Variants in GPRIN1 observed in about 807,000 individuals in gnomAD.
The protein encoded by GPRIN1 is G protein-regulated inducer of neurite outgrowth 1.
In GPRIN1, 4 loss-of-function variants were observed where a neutral mutation model predicts 2.8. The observed-to-expected ratio is 1.45, with a 90% CI of 0.71 to 3.32. The LOEUF (loss-of-function observed/expected upper bound fraction) is 3.32. Among genes scored for constraint, GPRIN1 ranks in the 30% most tolerant of loss-of-function variants. The pLI is 0.01. For synonymous variants in GPRIN1, 589 were observed against 589.9 expected, an observed-to-expected ratio of 1.00 and a Z score of 0.02; for missense variants, 1,322 against 1,343.4, an observed-to-expected ratio of 0.98 and a Z score of 0.25.
At position 176,598,394 on chromosome 5, in the gene GPRIN1, G is replaced by T; in HGVS notation, c.1441C>A (p.Pro481Thr). ...SRKTSSEKVN[P>T]ESSGKTNPVS... ...GGGTTTGTCTTTCCTGAAGACTCAGGATTCACTTTTTCAGATGATGTCTTT... is the reference window on the plus strand; with the variant it reads ...GGGTTTGTCTTTCCTGAAGACTCAGTATTCACTTTTTCAGATGATGTCTTT... Residue 481 changes from proline to threonine, a missense_variant, in exon 2 of 2, where the codon CCT (proline) becomes ACT (threonine). Transcript: ENST00000303991. 1 of 1,614,058 alleles carries T rather than the reference G, an allele frequency of 6.2e-7. No homozygotes were observed. The highest frequency in any genetic ancestry group is 1.1e-5 in the South Asian group (1 of 91,086).
At chr5:176,603,749 T>G (rs1486542327) in intron 1 of GPRIN1, among the ~76,000 whole-genome samples, 2 of 152,212 alleles carry the variant, frequency 1.3e-5, no homozygotes, top group Non-Finnish European at 2.9e-5. Context: ...GTGGGATCAC[T>G]GGATGGTCAC....
chr5:176,598,985 C>G lies in GPRIN1; in HGVS notation c.850G>C (p.Val284Leu), dbSNP rs139611546. ...APTSAEKVDL[V>L]LSGKRDPGPS... The stretch of plus-strand genomic sequence containing the variant: ...CCAGGATCTCTCTTTCCCGACAATA[C>G]AAGATCTACCTTTTCTGCAGATGTA... Residue 284 changes from valine (V) to leucine (L), a missense_variant, in exon 2 of 2, where the codon GTA becomes CTA. Val to Leu is a conservative substitution (Grantham distance 32, BLOSUM62 1). This residue lies in a region of GPRIN1 where 1,117 missense variants were observed against 1,128.6 expected (regional missense o/e 0.99). Transcript: ENST00000303991. The G allele has an allele frequency of 2.5e-6, 4 of 1,614,050 alleles. No individual in the cohort carries two copies. The highest frequency in any genetic ancestry group is 2.7e-5 in the African/African-American group (2 of 74,906).
At chr5:176,600,382 G>A (rs1006704911) in intron 1 of GPRIN1, among the ~76,000 whole-genome samples, 1 of 152,060 alleles carries the variant, frequency 6.6e-6, no homozygotes, top group Admixed American at 6.6e-5. Flanking sequence ...GATTACAGGC[G>A]TGAGCCACTG....
rs2113346915 is a variant in GPRIN1 at position 176,598,118 on chromosome 5, C to T, written c.1717G>A (p.Gly573Ser). 6.2e-7 allele frequency: 1 copy of T among 1,613,150 alleles called. No homozygotes were observed. Among genetic ancestry groups the T allele is most frequent in the Admixed American group, 1.7e-5 (1 of 60,014 alleles). Residue 573 changes from glycine (G) to serine (S), a missense_variant, in exon 2 of 2, where the codon GGT becomes AGT. By Grantham distance (56) the Gly-to-Ser change is moderately conservative (BLOSUM62 0). This residue lies in a region of GPRIN1 where 1,117 missense variants were observed against 1,128.6 expected (regional missense o/e 0.99). Transcript: ENST00000303991. ...TTTCCTGGAGTTGAGACCACTTTAC[C>T]TATAGACACAGAGTCCCCTTGTCCA... The part of the protein sequence containing the change: ...PSGQGDSVSI[G>S]KVVSTPGKTV...
In GPRIN1 at chr5:176,602,438, CCA is replaced by C. The variant is rs1373080646; in HGVS notation, c.-43-2563_-43-2562del. ...ACTTTGCTGTGCTATCTGATATATC[CCA>C]GAGTTGAGACCTGGCACACATGCAG... is the stretch of plus-strand genomic sequence containing the variant. On this transcript the variant is annotated intron_variant, in intron 1 of 1. Coordinates refer to ENST00000303991, the MANE Select transcript of GPRIN1 (RefSeq NM_052899.3). This position sits in a 1 kb window ranked among gnomAD's most constrained non-coding sequence, Gnocchi z 4.4. Among the ~76,000 whole-genome samples the C allele has an allele frequency of 1.3e-5, 2 of 152,012 alleles. No individual in the cohort carries two copies. Among genetic ancestry groups the C allele is most frequent in the African/African-American group, 4.8e-5 (2 of 41,364 alleles).
At position 176,597,570 on chromosome 5, in the gene GPRIN1, C is replaced by G. The variant is rs1759065316; in HGVS notation, c.2265G>C (p.Val755=). The G allele has an allele frequency of 6.3e-7, 1 of 1,586,832 alleles. No homozygotes were observed. Among genetic ancestry groups the G allele is most frequent in the Admixed American group, 1.7e-5 (1 of 57,754 alleles). Residue 755 remains valine (V), a synonymous_variant, in exon 2 of 2, where the codon GTG becomes GTC. Transcript: ENST00000303991. The surrounding 1 kb of genome is among the most constrained non-coding windows in gnomAD (Gnocchi z 6.1). ...EGRVEPKAEP[V]SSTEASSLGQ... ...CGAGACTGGAGGCCTCGGTGCTGGA[C>G]ACGGGCTCGGCCTTCGGCTCCACGC...
intron 1 of GPRIN1, among the ~76,000 whole-genome samples, chr5:176,603,442 C>T (rs535616520): frequency 9.8e-5 from 15 of 152,314 alleles, no homozygotes; most frequent in African/African-American, 3.1e-4. Flanking sequence ...TCTAACAAGG[C>T]TCATGTCACT....
Position 176,596,840 on chromosome 5 carries a change from A to G in GPRIN1, c.2995T>C (p.Cys999Arg). The G allele has an allele frequency of 7.1e-7, 1 of 1,404,462 alleles. No homozygotes were observed. The highest frequency in any genetic ancestry group is 9.3e-7 in the Non-Finnish European group (1 of 1,075,744). 87.0% of individuals were successfully genotyped at this position (1,404,462 alleles called of 1,614,324 possible). ...GCCGTGGGTCCCGCCCGCGAGCAGC[A>G]CCGCGGCCGGCGCACACTCTGCAGC... ...ALLQSVRRPR[C>R]CSRAGPTAE The change falls in exon 2 of 2, where the codon TGC becomes CGC. Residue 999 changes from cysteine to arginine, a missense_variant. Physicochemically the swap from Cys to Arg is radical, Grantham distance 180. Coordinates refer to ENST00000303991, the MANE Select transcript of GPRIN1 (RefSeq NM_052899.3). The surrounding 1 kb of genome is among the most constrained non-coding windows in gnomAD (Gnocchi z 5.2).
chr5:176,598,820 G>C lies in GPRIN1; in HGVS notation c.1015C>G (p.Pro339Ala). ...NGPVSSGTGA[P>A]GSLGRLDPTC... ...GGATCCAGCCTTCCCAAGGACCCAGGAGCCCCGGTCCCAGAGGATACAGGC... is the reference window on the plus strand; with the variant it reads ...GGATCCAGCCTTCCCAAGGACCCAGCAGCCCCGGTCCCAGAGGATACAGGC... The change falls in exon 2 of 2, where the codon CCT becomes GCT. Residue 339 changes from proline (P) to alanine (A), a missense_variant. Transcript: ENST00000303991. 1 of 1,613,858 alleles carries C rather than the reference G, an allele frequency of 6.2e-7. No individual in the cohort carries two copies. The highest frequency in any genetic ancestry group is 8.5e-7 in the Non-Finnish European group (1 of 1,180,028).
chr5:176,599,205 A>G lies in GPRIN1; in HGVS notation c.630T>C (p.Asp210=), dbSNP rs1249037946. 1 of 1,613,794 alleles carries G rather than the reference A, an allele frequency of 6.2e-7. No individual in the cohort carries two copies. Among genetic ancestry groups the G allele is most frequent in the African/African-American group, 1.3e-5 (1 of 74,996 alleles). The change falls in exon 2 of 2, where the codon GAT becomes GAC. Residue 210 remains aspartate (D), a synonymous_variant. Transcript: ENST00000303991. The part of the protein sequence containing the change: ...RMDPMTVRKE[D]LGSLGKVDPL... Reference sequence around the variant, plus strand: ...GATCTACTTTTCCCAGGGATCCAAGATCTTCCTTTCTTACAGTCATGGGAT... The same window carrying G: ...GATCTACTTTTCCCAGGGATCCAAGGTCTTCCTTTCTTACAGTCATGGGAT...
chr5:176,597,399 C>A lies in GPRIN1; in HGVS notation c.2436G>T (p.Ala812=). The change falls in exon 2 of 2, where the codon GCG becomes GCT. Residue 812 remains alanine, a synonymous_variant. Coordinates refer to ENST00000303991, the MANE Select transcript of GPRIN1 (RefSeq NM_052899.3). This position sits in a 1 kb window ranked among gnomAD's most constrained non-coding sequence, Gnocchi z 6.1. The part of the protein sequence containing the change: ...ASAPPPPRED[A]GTQAGAQACV... ...AGGCCTGCGCGCCCGCCTGAGTGCC[C>A]GCGTCCTCGCGCGGCGGCGGCGGGG... The A allele has an allele frequency of 7.7e-7, 1 of 1,290,830 alleles. No individual in the cohort carries two copies. The highest frequency in any genetic ancestry group is 2.5e-5 in the South Asian group (1 of 39,288). 80.0% of individuals were successfully genotyped at this position (1,290,830 alleles called of 1,614,324 possible).
At chr5:176,609,625 C>A (rs1208819992) in intron 1 of GPRIN1, among the ~76,000 whole-genome samples, 2 of 152,092 alleles carry the variant, frequency 1.3e-5, no homozygotes, top group South Asian at 2.1e-4. Flanking sequence ...ACGCCCTCCC[C>A]CCAGTGGCGG....
rs780526273 is a variant in GPRIN1 at position 176,596,095 on chromosome 5, ACT to A, written c.*711_*712del. 75 of 155,672 alleles carry A rather than the reference ACT, an allele frequency of 4.8e-4. No individual in the cohort carries two copies. The highest frequency in any genetic ancestry group is 9.2e-4 in the Non-Finnish European group (65 of 70,880). 9.6% of individuals were successfully genotyped at this position (155,672 alleles called of 1,614,324 possible). On this transcript the variant is annotated 3_prime_UTR_variant, in exon 2 of 2. Transcript: ENST00000303991. This position sits in a 1 kb window ranked among gnomAD's most constrained non-coding sequence, Gnocchi z 5.2. The stretch of plus-strand genomic sequence containing the variant: ...CCTGAGACCCTCTGGCCTTTCTGTG[ACT>A]CTCTCTCAGCTGAGCCCCCAGGGTA...
chr5:176,605,267 A>T (rs943122297), intron 1 of GPRIN1, among the ~76,000 whole-genome samples: 1 of 151,490 alleles, frequency 6.6e-6, no homozygotes, highest in Admixed American at 6.6e-5. Flanking sequence ...CTAATTTTTT[A>T]AATTTTTACT....
rs778923289 is a variant in GPRIN1 at position 176,598,925 on chromosome 5, T to G, written c.910A>C (p.Ser304Arg). ...SGKADPMPLE[S>R]MDSASTGKTE... is the part of the protein sequence containing the mutation. ...TTTCCTGTGGACGCAGAATCCATGC[T>G]TTCCAAGGGCATGGGATCTGCCTTT... is the stretch of plus-strand genomic sequence containing the variant. Residue 304 changes from serine (S) to arginine (R), a missense_variant, in exon 2 of 2, where the codon AGC becomes CGC. Ser to Arg is a moderately radical substitution (Grantham distance 110). Around this residue, in one of 3 missense-constraint regions of GPRIN1, gnomAD observed 1,117 missense variants for 1,128.6 expected, o/e 0.99. Transcript: ENST00000303991. 18 of 1,614,006 alleles carry G rather than the reference T, an allele frequency of 1.1e-5. No homozygotes were observed. The highest frequency in any genetic ancestry group is 1.4e-5 in the Non-Finnish European group (16 of 1,179,976).
chr5:176,607,903 C>CTTT lies in GPRIN1; in HGVS notation c.-44+2093_-44+2095dup, dbSNP rs35368228. On this transcript the variant is annotated intron_variant, in intron 1 of 1. Coordinates refer to ENST00000303991, the MANE Select transcript of GPRIN1 (RefSeq NM_052899.3). ...AGATCGTGGACACTGACACTTGGCT[C>CTTT]TTTTTTTTTTTTTTTTTTTTTTTTT... 1.5e-4 allele frequency among the ~76,000 whole-genome samples: 10 copies of CTTT among 67,378 alleles called. 1 individual carries two copies. The highest frequency in any genetic ancestry group is 2.1e-4 in the Non-Finnish European group (8 of 38,280). 44.2% of individuals were successfully genotyped at this position (67,378 alleles called of 152,430 possible).
chr5:176,598,132 T>G lies in GPRIN1; in HGVS notation c.1703A>C (p.Asp568Ala), dbSNP rs1285951084. The change falls in exon 2 of 2, where the codon GAC becomes GCC. Residue 568 changes from aspartate to alanine, a missense_variant. Physicochemically the swap from Asp to Ala is moderately radical, Grantham distance 126. Transcript: ENST00000303991. ...KADAGPSGQG[D>A]SVSIGKVVST... Reference sequence around the variant, plus strand: ...GACCACTTTACCTATAGACACAGAGTCCCCTTGTCCAGAGGGGCCAGCGTC... The same window carrying G: ...GACCACTTTACCTATAGACACAGAGGCCCCTTGTCCAGAGGGGCCAGCGTC... The G allele has an allele frequency of 2.5e-6, 4 of 1,612,408 alleles. No homozygotes were observed. The highest frequency in any genetic ancestry group is 1.7e-5 in the Admixed American group (1 of 59,984).
rs755261325 is a variant in GPRIN1, at chr5:176,598,810, A to G, written c.1025T>C (p.Leu342Ser). 1 of 1,613,706 alleles carries G rather than the reference A, an allele frequency of 6.2e-7. No homozygotes were observed. Among genetic ancestry groups the G allele is most frequent in the Non-Finnish European group, 8.5e-7 (1 of 1,179,982 alleles). Residue 342 changes from leucine to serine, a missense_variant, in exon 2 of 2, where the codon TTG (leucine) becomes TCG (serine). Around this residue, in one of 3 missense-constraint regions of GPRIN1, gnomAD observed 1,117 missense variants for 1,128.6 expected, o/e 0.99. Coordinates refer to ENST00000303991, the MANE Select transcript of GPRIN1 (RefSeq NM_052899.3). ...CAAGCATGTGGGATCCAGCCTTCCC[A>G]AGGACCCAGGAGCCCCGGTCCCAGA... The part of the protein sequence containing the change: ...VSSGTGAPGS[L>S]GRLDPTCLGM...
chr5:176,596,887 G>T lies in GPRIN1; in HGVS notation c.2948C>A (p.Pro983Gln). Residue 983 changes from proline (P) to glutamine (Q), a missense_variant, in exon 2 of 2, where the codon CCG (proline) becomes CAG (glutamine). By Grantham distance (76) the Pro-to-Gln change is moderately conservative (BLOSUM62 -1). Around this residue, in one of 3 missense-constraint regions of GPRIN1, gnomAD observed 196 missense variants for 189.2 expected, o/e 1.04. Coordinates refer to ENST00000303991, the MANE Select transcript of GPRIN1 (RefSeq NM_052899.3). The surrounding 1 kb of genome is among the most constrained non-coding windows in gnomAD (Gnocchi z 5.2). ...TAPPDGAAKR[P>Q]PGLFRALLQS... ...CAGCAGCGCGCGGAACAGGCCGGGC[G>T]GACGCTTGGCGGCGCCATCTGGGGG... 1 of 1,293,338 alleles carries T rather than the reference G, an allele frequency of 7.7e-7. No homozygotes were observed. The highest frequency in any genetic ancestry group is 9.8e-7 in the Non-Finnish European group (1 of 1,020,562). 80.1% of individuals were successfully genotyped at this position (1,293,338 alleles called of 1,614,324 possible). A position where few individuals can be genotyped will look rare whatever the true frequency, so the allele number is the denominator to read the frequency against.
Sources: allele counts gnomAD v4.1 joint callset (sites outside exome capture counted in the v4.1 genomes callset), GRCh38; gene constraint gnomAD v4.1.1; regional missense constraint gnomAD v4.1.1; non-coding constraint Gnocchi (gnomAD v3.1); transcripts MANE v1.5; gene names NCBI Gene and HGNC (gene_info 2026-07-23, HGNC 2026-07-21).